The following BLTP1 variants were observed in gnomAD, a reference collection of about 807,000 sequenced individuals.
BLTP1 encodes the protein fragile site-associated protein.
At chr4:122,186,842 T>C in the BLTP1 span, among the ~76,000 whole-genome samples, 1 of 152,090 alleles carries the variant, frequency 6.6e-6, no homozygotes, top group African/African-American at 2.4e-5. Context: ...TTATATATTA[T>C]CTATCTGTTT....
chr4:122,356,838 G>T, the BLTP1 span: 3 of 1,520,398 alleles, frequency 2.0e-6, no homozygotes, highest in Non-Finnish European at 2.6e-6. Flanking sequence ...GGTCTAATGA[G>T]AAAATGAGTG....
At chr4:122,172,865 A>G in the BLTP1 span, 1 of 931,142 alleles carries the variant, frequency 1.1e-6, no homozygotes, top group Non-Finnish European at 1.3e-6. Context: ...CATTGCTCTA[A>G]TGGATCTGAT....
chr4:122,253,929 G>A, the BLTP1 span, among the ~76,000 whole-genome samples: 1 of 152,126 alleles, frequency 6.6e-6, no homozygotes, highest in Admixed American at 6.5e-5. Flanking sequence ...ACATACGATG[G>A]AGCTCTGATA....
At chr4:122,355,658 T>C in the BLTP1 span, 1 of 592,958 alleles carries the variant, frequency 1.7e-6, no homozygotes, top group Non-Finnish European at 2.6e-6. Context: ...TAGATATATG[T>C]AGTATATCTA....
At chr4:122,286,895 T>C in the BLTP1 span, 22 of 951,356 alleles carry the variant, frequency 2.3e-5, no homozygotes, top group South Asian at 3.9e-4. Context: ...CTTAAAATAA[T>C]TTGTTTTCAC....
At chr4:122,280,663 A>T in the BLTP1 span, among the ~76,000 whole-genome samples, 1 of 122,778 alleles carries the variant, frequency 8.1e-6, no homozygotes, top group Non-Finnish European at 1.7e-5. Context: ...AATTCCATCT[A>T]AAAAAAAAAA....
At chr4:122,350,461 A>G in the BLTP1 span, 8 of 892,096 alleles carry the variant, frequency 9.0e-6, no homozygotes, top group Non-Finnish European at 1.3e-6. Context: ...TTATTAAGCT[A>G]CAACCATGTG....
chr4:122,291,101 T>C, the BLTP1 span, among the ~76,000 whole-genome samples: 1 of 151,988 alleles, frequency 6.6e-6, no homozygotes, highest in Middle Eastern at 3.2e-3. Context: ...CTATGAAGAA[T>C]AAGATGGACA....
chr4:122,196,523 G>T, the BLTP1 span: 1 of 825,572 alleles, frequency 1.2e-6, no homozygotes, highest in South Asian at 1.8e-5. Flanking sequence ...CAGTCTAATT[G>T]TCAAATGTGA....
the BLTP1 span, chr4:122,229,291 A>C: frequency 7.3e-7 from 1 of 1,378,650 alleles, no homozygotes; most frequent in South Asian, 1.4e-5. Context: ...TACTAAACCA[A>C]ACCTCTATTT....
chr4:122,310,909 A>G, the BLTP1 span: 1 of 935,162 alleles, frequency 1.1e-6, no homozygotes, highest in Non-Finnish European at 1.3e-6. Context: ...CCTATTATCC[A>G]AAAGACCAGT....
At chr4:122,174,779 T>C in the BLTP1 span, 1 of 755,518 alleles carries the variant, frequency 1.3e-6, no homozygotes, top group Non-Finnish European at 2.0e-6. Flanking sequence ...AATTTTTTTT[T>C]CCAGTAAATC....
At chr4:122,215,982 A>G in the BLTP1 span, among the ~76,000 whole-genome samples, 10 of 152,232 alleles carry the variant, frequency 6.6e-5, no homozygotes, top group Admixed American at 2.0e-4. Context: ...ATGGTCTCCA[A>G]TTCCATCCAG....
chr4:122,181,393 G>A, the BLTP1 span: 1 of 168,326 alleles, frequency 5.9e-6, no homozygotes, highest in Non-Finnish European at 1.2e-5. Flanking sequence ...ACAGACTTTG[G>A]TCCATCTCCT....
the BLTP1 span, chr4:122,231,807 G>A: frequency 3.1e-6 from 3 of 972,632 alleles, no homozygotes; most frequent in Non-Finnish European, 3.7e-6. Flanking sequence ...ATTGTTACCT[G>A]TTAACTTTCC....
At chr4:122,219,634 C>A in the BLTP1 span, 2 of 1,087,096 alleles carry the variant, frequency 1.8e-6, no homozygotes, top group Non-Finnish European at 2.7e-6. Context: ...AGATGTGAAG[C>A]ATTCAGCACA....
At chr4:122,331,918 GAAAT>G in the BLTP1 span, 1 of 372,724 alleles carries the variant, frequency 2.7e-6, no homozygotes, top group Non-Finnish European at 3.7e-6. Flanking sequence ...AGTTCATAAA[GAAAT>G]AAGAAAGACT....
chr4:122,169,649 A>G, the BLTP1 span: 1 of 965,982 alleles, frequency 1.0e-6, no homozygotes, highest in Non-Finnish European at 1.2e-6. Context: ...ATTCATATTC[A>G]TCCTACTGTG....
At chr4:122,152,966 AGGGTCG>A in the BLTP1 span, 1 of 983,430 alleles carries the variant, frequency 1.0e-6, no homozygotes, top group South Asian at 4.7e-5. Flanking sequence ...TGCTTAATAT[AGGGTCG>A]GTTGACCGAG....
Sources: gnomAD v4.1 joint callset for allele counts (sites outside exome capture counted in the v4.1 genomes callset) on GRCh38, gnomAD v4.1.1 for gene constraint, MANE v1.5 for transcripts, NCBI Gene and HGNC (gene_info 2026-07-23, HGNC 2026-07-21) for gene names.